The following PRPF8 variants were observed in gnomAD, a reference collection of about 807,000 sequenced individuals.
PRPF8 encodes pre-mRNA-processing-splicing factor 8.
Under a neutral mutation model 285.9 loss-of-function variants are expected in PRPF8, and 64 were observed. The observed-to-expected ratio is 0.22, with a 90% confidence interval of 0.18 to 0.28. PRPF8 has a LOEUF of 0.28. PRPF8 is among the 10% of genes least tolerant of loss of function. The probability of loss-of-function intolerance (pLI) is 1.00; values close to 1 mark genes in which losing one functional copy is unlikely to be tolerated. For synonymous variants in PRPF8, 1,325 were observed against 1,118.2 expected (o/e 1.18, Z -3.69); for missense variants, 1,426 against 3,026.7 (o/e 0.47, Z 12.41).
rs764793704 is a variant in PRPF8 at position 1,658,507 on chromosome 17, C to A, written c.5376+19G>T. The A allele has an allele frequency of 6.2e-7, 1 of 1,612,456 alleles. No homozygotes were observed. The highest frequency in any genetic ancestry group is 2.2e-5 in the East Asian group (1 of 44,880). ...CCATGTACAGAGTCCCGCACCTATA[C>A]ACTGCTGCTAACACTCACCTTGTGA... On this transcript the variant is annotated intron_variant, in intron 33 of 42. Coordinates refer to ENST00000304992, the MANE Select transcript of PRPF8 (RefSeq NM_006445.4). This position sits in a 1 kb window ranked among gnomAD's most constrained non-coding sequence, Gnocchi z 4.1.
chr17:1,662,998 G>A (rs1401920342), intron 24 of PRPF8, among the ~76,000 whole-genome samples: 1 of 152,082 alleles, frequency 6.6e-6, no homozygotes, highest in Non-Finnish European at 1.5e-5. Context: ...AGCAAAAAGA[G>A]TAACAAAGTA....
chr17:1,678,684 C>G (rs1912742949), intron 12 of PRPF8, 32 bp from the exon 13 acceptor site: 2 of 1,614,164 alleles, frequency 1.2e-6, no homozygotes, highest in Non-Finnish European at 1.7e-6. Flanking sequence ...AGACCTGGAG[C>G]TTAAACCAGC....
chr17:1,651,526 T>C lies in PRPF8; in HGVS notation c.6538A>G (p.Thr2180Ala). ...AACTGCGGGGACTCATTGGGCTGAG[T>C]GTGGATCCAACCTAAGGGTTCCATC... is the stretch of plus-strand genomic sequence containing the variant. ...KEMEPLGWIH[T>A]QPNESPQLSP... is the part of the protein sequence containing the mutation. Residue 2180 changes from threonine (T) to alanine (A), a missense_variant, in exon 41 of 43, where the codon ACT (threonine) becomes GCT (alanine). Around this residue, in one of 34 missense-constraint regions of PRPF8, gnomAD observed 160 missense variants for 373.7 expected, o/e 0.43. Transcript: ENST00000304992. The surrounding 1 kb of genome is among the most constrained non-coding windows in gnomAD (Gnocchi z 5.1). 6.2e-7 allele frequency: 1 copy of C among 1,614,012 alleles called. No individual in the cohort carries two copies. The highest frequency in any genetic ancestry group is 8.5e-7 in the Non-Finnish European group (1 of 1,179,998).
intron 24 of PRPF8, among the ~76,000 whole-genome samples, chr17:1,664,134 G>C (rs918634982): frequency 6.6e-6 from 1 of 152,130 alleles, no homozygotes; most frequent in African/African-American, 2.4e-5. Context: ...AGGCTCAGGA[G>C]ACTCTCCCGC....
At chr17:1,683,856 T>G (rs569890989) in intron 2 of PRPF8, among the ~76,000 whole-genome samples, 155 bp from the exon 3 acceptor site, 3 of 151,868 alleles carry the variant, frequency 2.0e-5, no homozygotes, top group African/African-American at 7.2e-5. Flanking sequence ...TTTTACTCTG[T>G]TTTTCCTTTC....
At chr17:1,680,636 T>G in intron 8 of PRPF8, 90 bp downstream of exon 8, 1 of 1,195,490 alleles carries the variant, frequency 8.4e-7, no homozygotes, top group Admixed American at 1.7e-5. Flanking sequence ...GGAAAACACA[T>G]CTCCCTCCAC....
chr17:1,679,268 G>A lies in PRPF8; in HGVS notation c.1409+23C>T, dbSNP rs764811431. ...TGATATCTCTGGAACAGAAGTCTGCGCAGGGCCCCTGGGGCACCTTACCTC... is the reference window on the plus strand; with the variant it reads ...TGATATCTCTGGAACAGAAGTCTGCACAGGGCCCCTGGGGCACCTTACCTC... On this transcript the variant is annotated intron_variant, in intron 10 of 42. Coordinates refer to ENST00000304992, the MANE Select transcript of PRPF8 (RefSeq NM_006445.4). The surrounding 1 kb of genome is among the most constrained non-coding windows in gnomAD (Gnocchi z 4.7). The A allele has an allele frequency of 1.2e-5, 19 of 1,614,034 alleles. No homozygotes were observed. The highest frequency in any genetic ancestry group is 4.4e-5 in the South Asian group (4 of 91,090).
At position 1,651,802 on chromosome 17, in the gene PRPF8, G is replaced by T. The variant is rs1388414531; in HGVS notation, c.6370-14C>A. 1.2e-6 allele frequency: 2 copies of T among 1,613,812 alleles called. No homozygotes were observed. The highest frequency in any genetic ancestry group is 2.2e-5 in the East Asian group (1 of 44,876). On this transcript the variant is annotated splice_polypyrimidine_tract_variant and intron_variant, in intron 39 of 42. Transcript: ENST00000304992. The surrounding 1 kb of genome is among the most constrained non-coding windows in gnomAD (Gnocchi z 5.1). ...GTATCCTGCAATCTGGAGACAAAGG[G>T]GTCAGGAACCAAAACTCTTCTTAGT...
chr17:1,679,279 G>GGGGCAC lies in PRPF8; in HGVS notation c.1409+6_1409+11dup, dbSNP rs1258826800. Reference sequence around the variant, plus strand: ...GAACAGAAGTCTGCGCAGGGCCCCTGGGGCACCTTACCTCTTCTTTTGAGC... The same window carrying GGGGCAC: ...GAACAGAAGTCTGCGCAGGGCCCCTGGGGCACGGGCACCTTACCTCTTCTTTTGAGC... On this transcript the variant is annotated intron_variant, in intron 10 of 42. Transcript: ENST00000304992. This position sits in a 1 kb window ranked among gnomAD's most constrained non-coding sequence, Gnocchi z 4.7. 1.2e-6 allele frequency: 2 copies of GGGGCAC among 1,614,148 alleles called. No individual in the cohort carries two copies. Among genetic ancestry groups the GGGGCAC allele is most frequent in the South Asian group, 2.2e-5 (2 of 91,084 alleles).
intron 3 of PRPF8, among the ~76,000 whole-genome samples, chr17:1,682,622 T>C (rs1180373385): frequency 1.3e-5 from 2 of 152,188 alleles, no homozygotes; most frequent in African/African-American, 4.8e-5. Context: ...TCACCATACT[T>C]CACTATCACC....
rs749984486 is a variant in PRPF8 at position 1,658,519 on chromosome 17, C to T, written c.5376+7G>A. 2.5e-6 allele frequency: 4 copies of T among 1,612,300 alleles called. No individual in the cohort carries two copies. In the South Asian group the frequency reaches 3.3e-5, roughly 13 times the overall value. On this transcript the variant is annotated splice_region_variant and intron_variant, in intron 33 of 42. Transcript: ENST00000304992. This position sits in a 1 kb window ranked among gnomAD's most constrained non-coding sequence, Gnocchi z 4.1. ...TCCCGCACCTATACACTGCTGCTAA[C>T]ACTCACCTTGTGAATAGTCACTCTG...
chr17:1,677,792 T>C (rs1026624494), intron 13 of PRPF8, 98 bp from the exon 14 acceptor site: 11 of 1,496,160 alleles, frequency 7.4e-6, no homozygotes, highest in Admixed American at 5.1e-5. Context: ...ATAATATACA[T>C]ACAGAGGAAT....
At chr17:1,677,734 T>C (rs751709668) in intron 13 of PRPF8, 40 bp from the exon 14 acceptor site, 11 of 1,613,192 alleles carry the variant, frequency 6.8e-6, no homozygotes, top group Non-Finnish European at 8.5e-6. Context: ...AAGTTAGCAA[T>C]GCATTTAAAC....
chr17:1,673,758 T>C lies in PRPF8; in HGVS notation c.3434A>G (p.His1145Arg). The change falls in exon 22 of 43, where the codon CAT (histidine) becomes CGT (arginine). Residue 1145 changes from histidine to arginine, a missense_variant. Physicochemically the swap from His to Arg is conservative, Grantham distance 29. Transcript: ENST00000304992. The surrounding 1 kb of genome is among the most constrained non-coding windows in gnomAD (Gnocchi z 5.5). ...PRDARMRLMK[H>R]DVNLGRAVFW... is the part of the protein sequence containing the mutation. Reference sequence around the variant, plus strand: ...AACCTAGACTCACAAGTTAACATCATGTTTCATGAGGCGCATGCGGGCATC... The same window carrying C: ...AACCTAGACTCACAAGTTAACATCACGTTTCATGAGGCGCATGCGGGCATC... The C allele has an allele frequency of 1.9e-6, 3 of 1,614,088 alleles. No individual in the cohort carries two copies. Among genetic ancestry groups the C allele is most frequent in the Non-Finnish European group, 2.5e-6 (3 of 1,180,022 alleles).
At chr17:1,665,661 G>A (rs941151570) in intron 24 of PRPF8, among the ~76,000 whole-genome samples, 1 of 151,844 alleles carries the variant, frequency 6.6e-6, no homozygotes, top group African/African-American at 2.4e-5. Context: ...GGCCAAGATG[G>A]TGAAACCCTG....
Position 1,661,825 on chromosome 17 carries a change from T to A in PRPF8, c.4023-35A>T. 6.2e-7 allele frequency: 1 copy of A among 1,614,016 alleles called. No individual in the cohort carries two copies. Among genetic ancestry groups the A allele is most frequent in the Non-Finnish European group, 8.5e-7 (1 of 1,180,008 alleles). On this transcript the variant is annotated intron_variant, in intron 25 of 42. Coordinates refer to ENST00000304992, the MANE Select transcript of PRPF8 (RefSeq NM_006445.4). The surrounding 1 kb of genome is among the most constrained non-coding windows in gnomAD (Gnocchi z 7.3). ...TGTACAACCAAGATTACAGAAAAAA[T>A]AAAGCCTAAAACTAAAGAAATACCC... is the stretch of plus-strand genomic sequence containing the variant.
rs1911097857 is a variant in PRPF8 at position 1,651,935 on chromosome 17, G to A, written c.6370-147C>T. ...GAACCCCCTGTATCAGAATCAGCTGGGGTGCTTGTTCAAAATGTTAGACAT... is the reference window on the plus strand; with the variant it reads ...GAACCCCCTGTATCAGAATCAGCTGAGGTGCTTGTTCAAAATGTTAGACAT... On this transcript the variant is annotated intron_variant, in intron 39 of 42. Transcript: ENST00000304992. This position sits in a 1 kb window ranked among gnomAD's most constrained non-coding sequence, Gnocchi z 5.1. 9.5e-7 allele frequency: 1 copy of A among 1,052,084 alleles called. No individual in the cohort carries two copies. Among genetic ancestry groups the A allele is most frequent in the Admixed American group, 1.9e-5 (1 of 53,340 alleles). 65.2% of individuals were successfully genotyped at this position (1,052,084 alleles called of 1,614,324 possible).
intron 3 of PRPF8, chr17:1,683,013 T>TTTTA: frequency 5.6e-6 from 1 of 178,038 alleles, no homozygotes; most frequent in Admixed American, 5.5e-5. Flanking sequence ...TTTTTTTTTT[T>TTTTA]GAGACGGAGT....
chr17:1,677,750 T>C (rs1053818500), intron 13 of PRPF8, 56 bp from the exon 14 acceptor site: 15 of 1,609,974 alleles, frequency 9.3e-6, no homozygotes, highest in Middle Eastern at 1.7e-4. Flanking sequence ...TAAACAACAA[T>C]AGAAACCTGG....
Sources: gnomAD v4.1 joint callset for allele counts (sites outside exome capture counted in the v4.1 genomes callset) on GRCh38, gnomAD v4.1.1 for gene constraint, gnomAD v4.1.1 regional missense constraint, Gnocchi (gnomAD v3.1) non-coding constraint, MANE v1.5 for transcripts, NCBI Gene and HGNC (gene_info 2026-07-23, HGNC 2026-07-21) for gene names.